The following SNURF variants were observed in gnomAD, a reference collection of about 807,000 sequenced individuals.
SNURF encodes SNURF protein.
Under a neutral mutation model 11.6 loss-of-function variants are expected in SNURF, and 6 were observed. That is an observed-to-expected ratio of 0.52 (90% CI 0.28 to 1.02). The LOEUF is 1.02. SNURF is among the 50% of genes least tolerant of loss of function. The pLI is 0.09. For missense variants in SNURF, 84 were observed against 88.4 expected (o/e 0.95, Z 0.20); for synonymous variants, 29 against 31.6 (o/e 0.92, Z 0.27).
At chr15:24,958,653 G>A (rs34954649) in intron 1 of SNURF, 1 of 152,062 alleles carries the variant, frequency 6.6e-6, no homozygotes, top group Non-Finnish European at 1.5e-5. Flanking sequence ...ATTCTCCTCA[G>A]ATTTGTTTTG....
chr15:24,961,549 T>TTTG (rs961344013), intron 1 of SNURF, among the ~76,000 whole-genome samples: 1 of 152,118 alleles, frequency 6.6e-6, no homozygotes, highest in Non-Finnish European at 1.5e-5. Flanking sequence ...ATGGCGGGTT[T>TTTG]TTTGTTTGTT....
chr15:24,978,100 G>T (rs1415193846), downstream of SNURF: 8 of 1,359,200 alleles, frequency 5.9e-6, no homozygotes, highest in Non-Finnish European at 8.2e-6. Context: ...TATCATTGTT[G>T]TCTGGCCCAT....
At chr15:24,954,993 T>C (rs1053043578) in exon 1 of SNURF, 16 of 1,609,412 alleles carry the variant, frequency 9.9e-6, no homozygotes, top group African/African-American at 1.3e-5. Context: ...TGGCGCAGAG[T>C]GGAGCGGCCG....
rs1473949602 is a variant in SNURF at position 24,959,974 on chromosome 15, A to G, written c.15-2140A>G. On this transcript the variant is annotated intron_variant, in intron 1 of 2. Coordinates refer to ENST00000577949, the Ensembl canonical transcript of SNURF. ...GAAGGCTGCAGGTATAATAGAAAGA[A>G]CATGAACTGTCTGGGCATGGTGGCT... Among the ~76,000 whole-genome samples, 4 of 152,136 alleles carry G rather than the reference A, an allele frequency of 2.6e-5. No homozygotes were observed. In the East Asian group the frequency reaches 7.7e-4, roughly 29 times the overall value.
chr15:24,973,052 T>C (rs1246815352), downstream of SNURF, among the ~76,000 whole-genome samples: 1 of 152,008 alleles, frequency 6.6e-6, no homozygotes, highest in East Asian at 1.9e-4. Flanking sequence ...CACACCCAGC[T>C]AATGTTTGTA....
At chr15:24,978,568 A>T, downstream of SNURF, 1 of 904,702 alleles carries the variant, frequency 1.1e-6, no homozygotes, top group Non-Finnish European at 1.8e-6. Flanking sequence ...AAATGCATAG[A>T]GCAATTAAAC....
chr15:24,976,751 T>G (rs2077106373), intron 5 of SNURF: 3 of 835,074 alleles, frequency 3.6e-6, no homozygotes, highest in Admixed American at 2.6e-5. Flanking sequence ...GTTTGTTCAT[T>G]TGGACACAGA....
downstream of SNURF, among the ~76,000 whole-genome samples, chr15:24,970,281 AAAT>A (rs1341510464): frequency 1.3e-5 from 2 of 152,166 alleles, no homozygotes; most frequent in Non-Finnish European, 2.9e-5. Context: ...AAAAATAAGA[AAAT>A]AAACTATTAA....
At chr15:24,960,091 CCT>C (rs964199725) in intron 1 of SNURF, among the ~76,000 whole-genome samples, 32 of 152,004 alleles carry the variant, frequency 2.1e-4, no homozygotes, top group African/African-American at 7.2e-4. Context: ...ATGGTGAAAC[CCT>C]GTCTCTACTA....
chr15:24,965,024 C>G (rs1027864825), intron 2 of SNURF, among the ~76,000 whole-genome samples: 1 of 152,058 alleles, frequency 6.6e-6, no homozygotes, highest in African/African-American at 2.4e-5. Context: ...CCCCCTTGTG[C>G]GTTTTCATTT....
chr15:24,972,912 G>T (rs1348691715), downstream of SNURF, among the ~76,000 whole-genome samples: 12 of 151,402 alleles, frequency 7.9e-5, no homozygotes, highest in Non-Finnish European at 1.8e-4. Flanking sequence ...CCCTGAGATG[G>T]AGTCTTGCTC....
chr15:24,961,607 A>G (rs548447552), intron 1 of SNURF, among the ~76,000 whole-genome samples: 21 of 152,202 alleles, frequency 1.4e-4, no homozygotes, highest in African/African-American at 4.8e-4. Flanking sequence ...CAGCTCTTCT[A>G]TTGCTTTGCA....
intron 1 of SNURF, among the ~76,000 whole-genome samples, chr15:24,959,824 C>T (rs2074479066): frequency 6.6e-6 from 1 of 152,150 alleles, no homozygotes; most frequent in African/African-American, 2.4e-5. Context: ...ATGAATAATG[C>T]TACTAGGAAC....
intron 3 of SNURF, chr15:24,974,258 T>A: frequency 1.7e-6 from 1 of 600,748 alleles, no homozygotes; most frequent in Non-Finnish European, 3.0e-6. Context: ...ATTGTCTGCC[T>A]GTTTTAAAAC....
downstream of SNURF, among the ~76,000 whole-genome samples, chr15:24,969,983 A>G (rs2076195040): frequency 6.6e-6 from 1 of 152,258 alleles, no homozygotes; most frequent in Admixed American, 6.5e-5. Context: ...TATTTAAAAG[A>G]AAATAATTGG....
intron 1 of SNURF, among the ~76,000 whole-genome samples, chr15:24,956,693 G>A (rs2062971475): frequency 6.6e-6 from 1 of 152,206 alleles, no homozygotes; most frequent in Non-Finnish European, 1.5e-5. Flanking sequence ...CGGTTGTGGC[G>A]CAGTAGAGGG....
At chr15:24,959,121 C>T (rs1207115482) in intron 1 of SNURF, among the ~76,000 whole-genome samples, 4 of 152,168 alleles carry the variant, frequency 2.6e-5, no homozygotes, top group South Asian at 2.1e-4. Flanking sequence ...AATATATTTC[C>T]GGATTATTAC....
intron 1 of SNURF, among the ~76,000 whole-genome samples, chr15:24,957,375 C>T (rs180894057): frequency 1.4e-4 from 22 of 152,244 alleles, no homozygotes; most frequent in Admixed American, 1.1e-3. Flanking sequence ...TGGGGTTGTG[C>T]TTTGGATCAG....
intron 2 of SNURF, among the ~76,000 whole-genome samples, chr15:24,963,806 A>AG (rs1210638113): frequency 2.6e-5 from 4 of 152,032 alleles, no homozygotes; most frequent in Non-Finnish European, 5.9e-5. Context: ...TGGGAGGCTG[A>AG]GGTGGATCAC....
Sources: gnomAD v4.1 joint callset for allele counts (sites outside exome capture counted in the v4.1 genomes callset) on GRCh38, gnomAD v4.1.1 for gene constraint, MANE v1.5 for transcripts, NCBI Gene and HGNC (gene_info 2026-07-23, HGNC 2026-07-21) for gene names.